The following KNTC1 variants were observed in gnomAD, a reference collection of about 807,000 sequenced individuals.
The protein encoded by KNTC1 is kinetochore-associated protein 1.
KNTC1 carries 253 observed loss-of-function variants against 314.4 expected under a neutral mutation model. The observed-to-expected ratio is 0.80, with a 90% confidence interval of 0.73 to 0.89. The LOEUF (loss-of-function observed/expected upper bound fraction) is 0.89. Ranked by LOEUF, KNTC1 falls within the 40% of genes least tolerant of loss-of-function variation. The probability of loss-of-function intolerance (pLI) is 0.00; values close to 1 mark genes in which losing one functional copy is unlikely to be tolerated. For synonymous variants in KNTC1, 901 were observed against 901.4 expected (o/e 1.00, Z 0.01); for missense variants, 2,475 against 2,572.9 (o/e 0.96, Z 0.82).
Position 122,597,942 on chromosome 12 carries a change from GAC to G in KNTC1, c.4563+10_4563+11del. Reference sequence around the variant, plus strand: ...TCTTAGTGGAATACTACATAAGGTAGACACACAGTGAAATGAATCGGGTCATC... The same window carrying G: ...TCTTAGTGGAATACTACATAAGGTAGACACAGTGAAATGAATCGGGTCATC... On this transcript the variant is annotated splice_donor_5th_base_variant and intron_variant, in intron 44 of 63. Coordinates refer to ENST00000333479, the MANE Select transcript of KNTC1 (RefSeq NM_014708.6). The G allele has an allele frequency of 1.2e-6, 2 of 1,611,284 alleles. No individual in the cohort carries two copies. Among genetic ancestry groups the G allele is most frequent in the Non-Finnish European group, 1.7e-6 (2 of 1,177,516 alleles).
chr12:122,556,164 G>A (rs755239528), intron 16 of KNTC1, among the ~76,000 whole-genome samples: 16 of 151,524 alleles, frequency 1.1e-4, no homozygotes, highest in African/African-American at 1.9e-4. Context: ...TTACAGACGC[G>A]CACCACCACG....
chr12:122,566,936 A>G (rs1964387346), intron 20 of KNTC1, among the ~76,000 whole-genome samples: 1 of 150,884 alleles, frequency 6.6e-6, no homozygotes. Flanking sequence ...GGGTTTCACC[A>G]TGTTTCTCAG....
intron 20 of KNTC1, among the ~76,000 whole-genome samples, chr12:122,566,758 G>GTTTTTTTTTTTTT (rs35657504): frequency 1.1e-5 from 1 of 92,400 alleles, no homozygotes; most frequent in Admixed American, 1.5e-4. Flanking sequence ...GTCCAGGCTG[G>GTTTTTTTTTTTTT]TTTTTTTTTT....
intron 59 of KNTC1, 70 bp downstream of exon 59, chr12:122,618,615 A>C: frequency 9.1e-7 from 1 of 1,096,714 alleles, no homozygotes; most frequent in South Asian, 1.3e-5. Context: ...TCTAATAGAT[A>C]TCTCTAATGA....
At chr12:122,614,362 G>A (rs1873526624) in intron 55 of KNTC1, among the ~76,000 whole-genome samples, 1 of 152,142 alleles carries the variant, frequency 6.6e-6, no homozygotes, top group African/African-American at 2.4e-5. Flanking sequence ...GACAGAGGAT[G>A]TCATTTCTCT....
chr12:122,613,256 T>A, intron 54 of KNTC1, 26 bp downstream of exon 54: 2 of 1,409,330 alleles, frequency 1.4e-6, no homozygotes, highest in Non-Finnish European at 2.0e-6. Context: ...TAAATTGTAT[T>A]AAGAAATAGG....
intron 1 of KNTC1, among the ~76,000 whole-genome samples, chr12:122,527,849 G>A (rs1202650439): frequency 6.6e-6 from 1 of 152,138 alleles, no homozygotes; most frequent in African/African-American, 2.4e-5. Context: ...TCAGGTCTCA[G>A]CTCAGATGTC....
At chr12:122,574,574 T>C (rs760941578) in intron 27 of KNTC1, among the ~76,000 whole-genome samples, 194 bp downstream of exon 27, 14 of 152,282 alleles carry the variant, frequency 9.2e-5, no homozygotes, top group Non-Finnish European at 1.6e-4. Context: ...AATCCCCACC[T>C]CAGCCTCCTG....
chr12:122,588,549 TCCCTCCCAGTCAGTCC>T (rs1869698494), intron 39 of KNTC1, among the ~76,000 whole-genome samples, 147 bp from the exon 40 acceptor site: 1 of 152,150 alleles, frequency 6.6e-6, no homozygotes, highest in Admixed American at 6.6e-5. Context: ...TCCTCTTTGC[TCCCTCCCAGTCAGTCC>T]CCCACCCCTT....
rs1343736766 is a variant in KNTC1, at chr12:122,602,697, C to T, written c.4782C>T (p.His1594=). ...CTGCCCAAACTAGACTGCCTTTTCA[C>T]CTGATATTCTTTGGCACAGCACAGA... ...PSAAQTRLPF[H]LIFFGTAQNF... is the part of the protein sequence containing the mutation. Residue 1594 remains histidine, a synonymous_variant, in exon 46 of 64, where the codon CAC becomes CAT. Coordinates refer to ENST00000333479, the MANE Select transcript of KNTC1 (RefSeq NM_014708.6). 4 of 1,613,780 alleles carry T rather than the reference C, an allele frequency of 2.5e-6. No homozygotes were observed. The highest frequency in any genetic ancestry group is 2.7e-5 in the African/African-American group (2 of 74,914).
chr12:122,541,248 T>C (rs1000698185), intron 5 of KNTC1, among the ~76,000 whole-genome samples: 4 of 148,872 alleles, frequency 2.7e-5, no homozygotes, highest in Non-Finnish European at 5.9e-5. Context: ...TTCCAGATAC[T>C]GTTTGTTTGT....
At chr12:122,577,927 G>T in intron 31 of KNTC1, 136 bp downstream of exon 31, 1 of 750,476 alleles carries the variant, frequency 1.3e-6, no homozygotes, top group Non-Finnish European at 1.9e-6. Flanking sequence ...AAAATTCCTG[G>T]GTAAATTTAC....
In KNTC1 at chr12:122,575,904, GTAC is replaced by G; in HGVS notation, c.2586+6_2586+8del. The G allele has an allele frequency of 6.3e-7, 1 of 1,599,444 alleles. No individual in the cohort carries two copies. The highest frequency in any genetic ancestry group is 8.5e-7 in the Non-Finnish European group (1 of 1,176,016). On this transcript the variant is annotated splice_donor_region_variant and intron_variant, in intron 29 of 63. Transcript: ENST00000333479. ...CTCTTAAACAAGGAAATAATGGTAA[GTAC>G]ACTCTTCGAAGAGTCTTTTTTCTCT...
intron 53 of KNTC1, 33 bp downstream of exon 53, chr12:122,610,933 G>A (rs889519110): frequency 6.9e-7 from 1 of 1,458,210 alleles, no homozygotes; most frequent in African/African-American, 1.4e-5. Context: ...AAACTCTTCT[G>A]TGCATCTCAG....
At chr12:122,574,232 T>A in intron 26 of KNTC1, 50 bp from the exon 27 acceptor site, 1 of 1,088,996 alleles carries the variant, frequency 9.2e-7, no homozygotes, top group East Asian at 2.5e-5. Flanking sequence ...GGCATTTTTT[T>A]AATGAGAATT....
chr12:122,603,220 G>C lies in KNTC1; in HGVS notation c.5078G>C (p.Ser1693Thr), dbSNP rs1555237278. ...NPEWAVAIAI[S>T]LAQDIPEGSF... is the part of the protein sequence containing the mutation. ...GAGTGGGCTGTAGCTATTGCCATCAGCCTTGCCCAGGATATCCCTGAAGGT... is the reference window on the plus strand; with the variant it reads ...GAGTGGGCTGTAGCTATTGCCATCACCCTTGCCCAGGATATCCCTGAAGGT... The change falls in exon 48 of 64, where the codon AGC becomes ACC. Residue 1693 changes from serine (S) to threonine (T), a missense_variant. Physicochemically the swap from Ser to Thr is moderately conservative, Grantham distance 58. Transcript: ENST00000333479. 3 of 1,611,002 alleles carry C rather than the reference G, an allele frequency of 1.9e-6. No individual in the cohort carries two copies. The East Asian group carries it at 6.7e-5, about 36-fold the overall frequency.
chr12:122,539,078 T>C (rs1962077575), intron 4 of KNTC1, among the ~76,000 whole-genome samples: 1 of 152,212 alleles, frequency 6.6e-6, no homozygotes. Flanking sequence ...TTAGGAATGC[T>C]AGAGTCCCAC....
At position 122,544,177 on chromosome 12, in the gene KNTC1, T is replaced by A; in HGVS notation, c.577T>A (p.Ser193Thr). 4 of 1,553,052 alleles carry A rather than the reference T, an allele frequency of 2.6e-6. No individual in the cohort carries two copies. Among genetic ancestry groups the A allele is most frequent in the Non-Finnish European group, 3.5e-6 (4 of 1,146,172 alleles). ...TAKKLQGQIKSSFISTENYHT... is the reference protein window; with the variant it reads ...TAKKLQGQIKTSFISTENYHT... ...TTTGCAGTTACAAGGACAAATCAAG[T>A]CCAGTTTTATTTCTACTGAAAATTA... The change falls in exon 8 of 64, where the codon TCC (serine) becomes ACC (threonine). Residue 193 changes from serine to threonine, a missense_variant. Transcript: ENST00000333479.
chr12:122,615,158 A>G (rs1873632851), intron 56 of KNTC1, 72 bp downstream of exon 56: 6 of 1,082,746 alleles, frequency 5.5e-6, no homozygotes, highest in Non-Finnish European at 8.2e-6. Context: ...AACATTTTGG[A>G]TTGATACTTG....
Sources: allele counts gnomAD v4.1 joint callset (sites outside exome capture counted in the v4.1 genomes callset), GRCh38; gene constraint gnomAD v4.1.1; transcripts MANE v1.5; gene names NCBI Gene and HGNC (gene_info 2026-07-23, HGNC 2026-07-21).